Variants in NKAIN2 observed in about 807,000 individuals in gnomAD.
NKAIN2 encodes the protein sodium/potassium transporting ATPase interacting 2.
Under a neutral mutation model 32.6 loss-of-function variants are expected in NKAIN2, and 14 were observed. The ratio of observed to expected loss-of-function variants is 0.43; its 90% CI spans 0.28 to 0.67. The LOEUF is 0.67. Ranked by LOEUF, NKAIN2 falls within the 30% of genes least tolerant of loss-of-function variation. The probability of loss-of-function intolerance (pLI) is 0.17; values close to 1 mark genes in which losing one functional copy is unlikely to be tolerated. For synonymous variants in NKAIN2, 80 were observed against 87.2 expected (o/e 0.92, Z 0.46); for missense variants, 198 against 258.3 (o/e 0.77, Z 1.60).
intron 1 of NKAIN2, among the ~76,000 whole-genome samples, chr6:124,210,072 A>G (rs1206205472): frequency 6.6e-6 from 1 of 151,512 alleles, no homozygotes; most frequent in African/African-American, 2.4e-5. Flanking sequence ...CAGTGGTTTC[A>G]TAGTTTGAGT....
At chr6:124,322,733 A>T (rs1235076267) in intron 2 of NKAIN2, among the ~76,000 whole-genome samples, 2 of 152,272 alleles carry the variant, frequency 1.3e-5, no homozygotes, top group South Asian at 4.1e-4. Flanking sequence ...TTATGTAGAG[A>T]TTTTTGTGTG....
intron 1 of NKAIN2, among the ~76,000 whole-genome samples, chr6:124,059,657 T>C (rs1190677040): frequency 6.6e-6 from 1 of 152,144 alleles, no homozygotes; most frequent in Non-Finnish European, 1.5e-5. Flanking sequence ...ACTCCTTTTG[T>C]GTCGAGTGCT....
intron 3 of NKAIN2, among the ~76,000 whole-genome samples, chr6:124,365,713 A>G (rs1007733832): frequency 3.3e-5 from 5 of 152,004 alleles, no homozygotes; most frequent in African/African-American, 1.2e-4. Flanking sequence ...ACTCCACCAA[A>G]CAAAAGGGTT....
At chr6:123,960,994 C>A (rs974403883) in intron 1 of NKAIN2, among the ~76,000 whole-genome samples, 22 of 152,084 alleles carry the variant, frequency 1.4e-4, no homozygotes, top group African/African-American at 4.8e-4. Flanking sequence ...TGAATAGACT[C>A]CCTTCTTTTC....
chr6:124,797,231 TA>T (rs1332578799), intron 5 of NKAIN2, among the ~76,000 whole-genome samples: 2 of 152,064 alleles, frequency 1.3e-5, no homozygotes, highest in Non-Finnish European at 2.9e-5. Context: ...TCTCAATTTT[TA>T]TTATGTATTC....
chr6:124,075,711 T>A (rs1783666800), intron 1 of NKAIN2, among the ~76,000 whole-genome samples: 1 of 152,162 alleles, frequency 6.6e-6, no homozygotes, highest in Non-Finnish European at 1.5e-5. Context: ...TTCTCCTGCC[T>A]CAGCCTCCCA....
intron 5 of NKAIN2, among the ~76,000 whole-genome samples, chr6:124,818,001 A>G (rs1781240661): frequency 6.8e-6 from 1 of 147,300 alleles, no homozygotes; most frequent in Non-Finnish European, 1.5e-5. Flanking sequence ...CATTATTTAT[A>G]TTTATATGCT....
At chr6:124,019,178 C>T (rs537928622) in intron 1 of NKAIN2, among the ~76,000 whole-genome samples, 212 of 152,216 alleles carry the variant, frequency 1.4e-3, no homozygotes, top group South Asian at 3.9e-3. Context: ...CTGGGTCCCT[C>T]CCACAACACA....
At chr6:124,616,144 CTCT>C (rs1382918249) in intron 3 of NKAIN2, among the ~76,000 whole-genome samples, 3 of 152,048 alleles carry the variant, frequency 2.0e-5, no homozygotes, top group Admixed American at 1.3e-4. Flanking sequence ...AAACTCTATC[CTCT>C]TCTTCTGGCT....
chr6:124,282,522 G>A (rs1795345076), intron 1 of NKAIN2, among the ~76,000 whole-genome samples: 1 of 152,158 alleles, frequency 6.6e-6, no homozygotes, highest in Admixed American at 6.6e-5. Context: ...GCAGACTCAC[G>A]TTCAGAAATC....
chr6:124,704,660 A>G (rs1774963199), intron 4 of NKAIN2, among the ~76,000 whole-genome samples: 1 of 150,050 alleles, frequency 6.7e-6, no homozygotes, highest in South Asian at 2.1e-4. Context: ...AGAGAGAGAG[A>G]GACGTGCATA....
At chr6:124,436,138 C>A (rs548350420) in intron 3 of NKAIN2, among the ~76,000 whole-genome samples, 6 of 152,090 alleles carry the variant, frequency 3.9e-5, no homozygotes, top group Non-Finnish European at 8.8e-5. Context: ...GCCTTAAAGG[C>A]TTCTATTTGG....
chr6:124,127,766 G>T (rs1786250890), intron 1 of NKAIN2, among the ~76,000 whole-genome samples: 1 of 152,088 alleles, frequency 6.6e-6, no homozygotes, highest in Non-Finnish European at 1.5e-5. Flanking sequence ...GCCAACCTGG[G>T]CTTCAAGGTA....
At chr6:124,287,419 T>G (rs899036011) in intron 2 of NKAIN2, among the ~76,000 whole-genome samples, 2 of 152,214 alleles carry the variant, frequency 1.3e-5, no homozygotes, top group Admixed American at 6.5e-5. Flanking sequence ...GGTAATGATT[T>G]TTGTTTTCTT....
chr6:124,693,254 C>T (rs960334602), intron 4 of NKAIN2, among the ~76,000 whole-genome samples: 3 of 152,258 alleles, frequency 2.0e-5, no homozygotes, highest in Middle Eastern at 3.4e-3. Context: ...TGTTTAGATA[C>T]ACAAATAGCA....
chr6:123,882,042 T>C (rs1321091666), intron 1 of NKAIN2, among the ~76,000 whole-genome samples: 2 of 152,158 alleles, frequency 1.3e-5, no homozygotes, highest in African/African-American at 4.8e-5. Context: ...AAACTAAAAA[T>C]CTATGAATAT....
intron 1 of NKAIN2, among the ~76,000 whole-genome samples, chr6:124,237,158 A>C (rs371200120): frequency 6.6e-6 from 1 of 152,178 alleles, no homozygotes; most frequent in Non-Finnish European, 1.5e-5. Context: ...ATAGGAAAGA[A>C]TAGTCTGTAA....
chr6:124,613,442 T>C (rs372246521), intron 3 of NKAIN2, among the ~76,000 whole-genome samples: 9 of 152,184 alleles, frequency 5.9e-5, no homozygotes, highest in East Asian at 1.9e-4. Flanking sequence ...GGAGAATCAA[T>C]ATGGGTTTCT....
At chr6:124,408,960 T>C (rs1031995798) in intron 3 of NKAIN2, among the ~76,000 whole-genome samples, 2 of 152,186 alleles carry the variant, frequency 1.3e-5, no homozygotes, top group African/African-American at 4.8e-5. Flanking sequence ...TTTGAAGCAA[T>C]TGTGAATGGG....
Sources: gnomAD v4.1 joint callset for allele counts (sites outside exome capture counted in the v4.1 genomes callset) on GRCh38, gnomAD v4.1.1 for gene constraint, MANE v1.5 for transcripts, NCBI Gene and HGNC (gene_info 2026-07-23, HGNC 2026-07-21) for gene names.